Variants in AK8 observed in about 807,000 individuals in gnomAD.
The protein encoded by AK8 is ATP-AMP transphosphorylase 8.
Under a neutral mutation model 54.6 loss-of-function variants are expected in AK8, and 44 were observed. The observed-to-expected ratio is 0.81, with a 90% confidence interval of 0.63 to 1.04. The LOEUF (loss-of-function observed/expected upper bound fraction) is 1.04. Among genes scored for constraint, AK8 ranks in the 50% least tolerant of loss-of-function variants. The pLI, the probability that AK8 is intolerant of heterozygous loss-of-function variation, is 0.00. For missense variants in AK8, 555 were observed against 613.6 expected (o/e 0.90, Z 1.01); for synonymous variants, 239 against 245.6 (o/e 0.97, Z 0.25).
intron 11 of AK8, among the ~76,000 whole-genome samples, chr9:132,785,756 G>A (rs1839674079): frequency 6.6e-6 from 1 of 152,090 alleles, no homozygotes; most frequent in Non-Finnish European, 1.5e-5. Flanking sequence ...AACATCTACG[G>A]GCTCCACCCA....
At chr9:132,853,228 C>T (rs1382417826) in intron 5 of AK8, among the ~76,000 whole-genome samples, 1 of 151,334 alleles carries the variant, frequency 6.6e-6, no homozygotes, top group African/African-American at 2.4e-5. Context: ...CATGGTGACG[C>T]ATGCCTGTAA....
chr9:132,822,915 A>AC (rs1370035412), intron 9 of AK8, among the ~76,000 whole-genome samples: 1 of 151,404 alleles, frequency 6.6e-6, no homozygotes, highest in Non-Finnish European at 1.5e-5. Flanking sequence ...GCACAGACAA[A>AC]CCCCCCGCTC....
intron 5 of AK8, among the ~76,000 whole-genome samples, chr9:132,835,073 T>C (rs1343367739): frequency 6.6e-6 from 1 of 152,192 alleles, no homozygotes; most frequent in African/African-American, 2.4e-5. Context: ...GGTTTCCCCG[T>C]GTTAGCCAGG....
chr9:132,838,272 A>G (rs939705857), intron 5 of AK8, among the ~76,000 whole-genome samples: 5 of 152,138 alleles, frequency 3.3e-5, no homozygotes, highest in South Asian at 2.1e-4. Flanking sequence ...ATAGAAACCC[A>G]CCATGTAAAT....
chr9:132,741,399 T>C (rs778738401), intron 11 of AK8, among the ~76,000 whole-genome samples: 4 of 152,178 alleles, frequency 2.6e-5, no homozygotes, highest in Non-Finnish European at 5.9e-5. Context: ...GCACTTAGCT[T>C]GACAGTGGGA....
chr9:132,804,785 G>C (rs1271142386), intron 10 of AK8, among the ~76,000 whole-genome samples: 4 of 152,140 alleles, frequency 2.6e-5, no homozygotes, highest in African/African-American at 9.7e-5. Context: ...GGAAACCTCA[G>C]AGCCAGCTTC....
At chr9:132,866,292 A>G (rs1843595355) in intron 3 of AK8, among the ~76,000 whole-genome samples, 1 of 152,224 alleles carries the variant, frequency 6.6e-6, no homozygotes, top group Non-Finnish European at 1.5e-5. Flanking sequence ...AAGGGCATTC[A>G]CTGTCCAGAA....
chr9:132,833,598 A>C (rs1480460141), intron 5 of AK8, among the ~76,000 whole-genome samples: 1 of 152,130 alleles, frequency 6.6e-6, no homozygotes, highest in South Asian at 2.1e-4. Flanking sequence ...GTTCTGTTTT[A>C]TCACACATCA....
intron 4 of AK8, among the ~76,000 whole-genome samples, chr9:132,855,974 G>T (rs1564441356): frequency 6.6e-6 from 1 of 152,200 alleles, no homozygotes; most frequent in African/African-American, 2.4e-5. Flanking sequence ...TTGATTCAGA[G>T]TGTTGGCCCT....
At chr9:132,825,281 TG>T (rs1329254498) in intron 8 of AK8, among the ~76,000 whole-genome samples, 1 of 152,256 alleles carries the variant, frequency 6.6e-6, no homozygotes, top group Non-Finnish European at 1.5e-5. Context: ...GAGAGAATTC[TG>T]CATTCCAATT....
At chr9:132,731,295 C>G (rs750423386) in intron 11 of AK8, among the ~76,000 whole-genome samples, 33 of 152,302 alleles carry the variant, frequency 2.2e-4, no homozygotes, top group Non-Finnish European at 3.5e-4. Flanking sequence ...GCCAAGTTGA[C>G]AATAGGTGGA....
intron 12 of AK8, among the ~76,000 whole-genome samples, chr9:132,726,531 G>C (rs1193039248): frequency 6.6e-6 from 1 of 152,154 alleles, no homozygotes; most frequent in South Asian, 2.1e-4. Flanking sequence ...GCCTCCCAAA[G>C]TGCTGGGATT....
chr9:132,772,381 T>A (rs1839022482), intron 11 of AK8, among the ~76,000 whole-genome samples: 1 of 152,112 alleles, frequency 6.6e-6, no homozygotes, highest in South Asian at 2.1e-4. Flanking sequence ...AAGAGGTGGT[T>A]AAGTTAAAAG....
chr9:132,792,878 G>A, intron 10 of AK8, 103 bp from the exon 11 acceptor site: 1 of 1,398,380 alleles, frequency 7.2e-7, no homozygotes, highest in Non-Finnish European at 9.5e-7. Flanking sequence ...GAAGAAGTGG[G>A]TCTAGGTGGA....
At chr9:132,870,968 G>A (rs111975056) in intron 2 of AK8, among the ~76,000 whole-genome samples, 22 of 152,344 alleles carry the variant, frequency 1.4e-4, no homozygotes, top group African/African-American at 4.1e-4. Flanking sequence ...CTAGGCGGCC[G>A]GGTATGGTGG....
At chr9:132,851,266 G>A (rs1247952518) in intron 5 of AK8, among the ~76,000 whole-genome samples, 2 of 152,200 alleles carry the variant, frequency 1.3e-5, no homozygotes, top group Non-Finnish European at 2.9e-5. Context: ...GTGTCAAAGG[G>A]GCCTGCAGGT....
chr9:132,792,570 G>A lies in AK8; in HGVS notation c.1121+64C>T, dbSNP rs914186961. 1.3e-5 allele frequency: 19 copies of A among 1,509,274 alleles called. 1 individual carries two copies. The African/African-American group carries it at 1.5e-4, about 12-fold the overall frequency. The allele number at this position is 1,509,274 out of a possible 1,614,324, so 93.5% of individuals were successfully genotyped here. ...TTGTGTAACCTGGACCCCTTCAGCT[G>A]AGCCCTGGAGAGGGGGTGCCCAGGG... On this transcript the variant is annotated intron_variant, in intron 11 of 12. Transcript: ENST00000298545.
At chr9:132,735,569 T>A (rs1381531125) in intron 11 of AK8, among the ~76,000 whole-genome samples, 1 of 151,722 alleles carries the variant, frequency 6.6e-6, no homozygotes, top group African/African-American at 2.4e-5. Flanking sequence ...AAAAAACCCA[T>A]AAAGTAAGTG....
intron 2 of AK8, among the ~76,000 whole-genome samples, chr9:132,870,832 C>A (rs1008320741): frequency 2.0e-5 from 3 of 152,342 alleles, no homozygotes; most frequent in Admixed American, 2.0e-4. Flanking sequence ...ATCTGACACA[C>A]CAGCCCAGGG....
Sources: allele counts gnomAD v4.1 joint callset (sites outside exome capture counted in the v4.1 genomes callset), GRCh38; gene constraint gnomAD v4.1.1; transcripts MANE v1.5; gene names NCBI Gene and HGNC (gene_info 2026-07-23, HGNC 2026-07-21).